PHACTR1: variants seen among roughly 807,000 people sequenced by gnomAD.
PHACTR1 encodes phosphatase and actin regulator 1, also known as RPEL repeat containing 1.
PHACTR1 carries 16 observed loss-of-function variants against 69.2 expected under a neutral mutation model. The observed-to-expected ratio is 0.23, with a 90% CI of 0.16 to 0.35. The LOEUF (loss-of-function observed/expected upper bound fraction) is 0.35, where lower values mean the gene tolerates loss of function less well. PHACTR1 is among the 10% of genes least tolerant of loss of function. The pLI, the probability that PHACTR1 is intolerant of heterozygous loss-of-function variation, is 1.00. For synonymous variants in PHACTR1, 312 were observed against 284.5 expected (o/e 1.10, Z -0.97); for missense variants, 510 against 734.7 (o/e 0.69, Z 3.54).
intron 7 of PHACTR1, among the ~76,000 whole-genome samples, chr6:13,192,006 G>C (rs1763669983): frequency 3.3e-5 from 5 of 152,188 alleles, no homozygotes; most frequent in Admixed American, 3.3e-4. Flanking sequence ...AAAGAGCGTA[G>C]CAAAATACCT....
At chr6:12,955,735 C>A (rs1328148101) in intron 4 of PHACTR1, among the ~76,000 whole-genome samples, 1 of 152,146 alleles carries the variant, frequency 6.6e-6, no homozygotes, top group African/African-American at 2.4e-5. Flanking sequence ...GAGGGAGAGA[C>A]ATAAACAGAC....
chr6:12,768,175 C>T (rs941250237), intron 4 of PHACTR1, among the ~76,000 whole-genome samples: 14 of 133,906 alleles, frequency 1.0e-4, no homozygotes, highest in Non-Finnish European at 1.7e-4. Flanking sequence ...AGTGCAGTGG[C>T]GCGATCTCGG....
At chr6:12,830,089 G>GAA in intron 4 of PHACTR1, among the ~76,000 whole-genome samples, 1 of 121,626 alleles carries the variant, frequency 8.2e-6, no homozygotes, top group African/African-American at 3.2e-5. Context: ...AGGAAGGAAG[G>GAA]AGGGAAAGAA....
intron 4 of PHACTR1, among the ~76,000 whole-genome samples, chr6:12,966,271 T>G (rs189549063): frequency 4.1e-4 from 63 of 152,316 alleles, no homozygotes; most frequent in African/African-American, 1.3e-3. Context: ...TAAATGCTGC[T>G]GAGAGACTCT....
intron 4 of PHACTR1, among the ~76,000 whole-genome samples, chr6:12,759,023 C>G (rs1040138233): frequency 6.7e-6 from 1 of 149,666 alleles, no homozygotes; most frequent in African/African-American, 2.5e-5. Flanking sequence ...ACTGGGGAGG[C>G]TGAGGCAGGA....
At chr6:12,845,142 T>C (rs746831415) in intron 4 of PHACTR1, among the ~76,000 whole-genome samples, 4 of 152,230 alleles carry the variant, frequency 2.6e-5, no homozygotes, top group Non-Finnish European at 4.4e-5. Flanking sequence ...TTCAAAATTG[T>C]GGGTTTTTAA....
At chr6:12,968,168 G>T (rs928725247) in intron 4 of PHACTR1, among the ~76,000 whole-genome samples, 12 of 152,158 alleles carry the variant, frequency 7.9e-5, no homozygotes, top group Non-Finnish European at 2.9e-5. Context: ...GCCCTTCATG[G>T]AATCGCATGC....
intron 4 of PHACTR1, among the ~76,000 whole-genome samples, chr6:12,811,837 T>C (rs1267071296): frequency 6.6e-6 from 1 of 152,174 alleles, no homozygotes; most frequent in Non-Finnish European, 1.5e-5. Context: ...ATACTCGGTT[T>C]CCTTTATGTC....
At chr6:13,251,385 C>T (rs193124642) in intron 10 of PHACTR1, among the ~76,000 whole-genome samples, 8 of 152,294 alleles carry the variant, frequency 5.3e-5, no homozygotes, top group Admixed American at 2.0e-4. Context: ...ATTACGGTCA[C>T]GGGTGCAGGG....
chr6:13,091,746 C>T (rs1041628369), intron 5 of PHACTR1, among the ~76,000 whole-genome samples: 6 of 152,114 alleles, frequency 3.9e-5, no homozygotes, highest in African/African-American at 1.4e-4. Flanking sequence ...GAATTAGATT[C>T]TCATAAGAAG....
chr6:13,237,773 C>A (rs1225261845), intron 10 of PHACTR1, among the ~76,000 whole-genome samples: 2 of 152,222 alleles, frequency 1.3e-5, no homozygotes, highest in African/African-American at 4.8e-5. Flanking sequence ...GTAGAGTCTA[C>A]TACACACTAG....
chr6:12,960,415 G>T (rs1450353969), intron 4 of PHACTR1, among the ~76,000 whole-genome samples: 1 of 152,170 alleles, frequency 6.6e-6, no homozygotes, highest in Non-Finnish European at 1.5e-5. Flanking sequence ...AAATATTTTG[G>T]AATTAATTCA....
At chr6:12,864,213 G>A (rs1162429945) in intron 4 of PHACTR1, among the ~76,000 whole-genome samples, 1 of 152,198 alleles carries the variant, frequency 6.6e-6, no homozygotes, top group Non-Finnish European at 1.5e-5. Flanking sequence ...TTTACTGCAT[G>A]TATGTGAATT....
rs539165447 is a variant in PHACTR1, at chr6:12,928,510, C to T, written c.251-124855C>T. Among the ~76,000 whole-genome samples the T allele has an allele frequency of 2.0e-5, 3 of 152,296 alleles. No individual in the cohort carries two copies. The East Asian group carries it at 5.8e-4, about 29-fold the overall frequency. On this transcript the variant is annotated intron_variant, in intron 4 of 14. Coordinates refer to ENST00000332995, the MANE Select transcript of PHACTR1 (RefSeq NM_030948.6). ...TTCTACCTTTTCCTCAAAGCCTGCT[C>T]CAGCCCTGAAGGATTGCTTCCTCTT...
chr6:13,001,023 T>A (rs759573093), intron 4 of PHACTR1, among the ~76,000 whole-genome samples: 17 of 152,334 alleles, frequency 1.1e-4, no homozygotes, highest in Middle Eastern at 6.8e-3. Flanking sequence ...GTTTTGTCTT[T>A]GTAATCAAAG....
chr6:13,047,528 C>T (rs7757631), intron 4 of PHACTR1, among the ~76,000 whole-genome samples: 18,872 of 151,754 alleles, frequency 0.12, 3,350 homozygotes, highest in African/African-American at 0.4. Flanking sequence ...CAAGCAAAAG[C>T]GAAGGTTATC....
chr6:12,958,896 G>T (rs1582699364), intron 4 of PHACTR1, among the ~76,000 whole-genome samples: 1 of 152,122 alleles, frequency 6.6e-6, no homozygotes, highest in East Asian at 1.9e-4. Flanking sequence ...TTAAAGAGGG[G>T]TCGGGCACGG....
At chr6:12,886,374 A>G (rs1465439604) in intron 4 of PHACTR1, among the ~76,000 whole-genome samples, 3 of 152,230 alleles carry the variant, frequency 2.0e-5, no homozygotes, top group Non-Finnish European at 4.4e-5. Context: ...AGCAATTCCC[A>G]TATCAGAGAA....
intron 5 of PHACTR1, among the ~76,000 whole-genome samples, chr6:13,058,072 T>C (rs1030728222): frequency 4.6e-5 from 7 of 152,182 alleles, no homozygotes; most frequent in African/African-American, 1.7e-4. Context: ...CTTGTGAACC[T>C]ATGAGCCTGA....
Sources: gnomAD v4.1 joint callset for allele counts (sites outside exome capture counted in the v4.1 genomes callset) on GRCh38, gnomAD v4.1.1 for gene constraint, MANE v1.5 for transcripts, NCBI Gene and HGNC (gene_info 2026-07-23, HGNC 2026-07-21) for gene names.